Variants in GPR158 observed in about 807,000 individuals in gnomAD.
GPR158 encodes G protein-coupled receptor 158.
A neutral mutation model predicts 78.2 loss-of-function variants in GPR158; 30 were observed. The ratio of observed to expected loss-of-function variants is 0.38; its 90% CI spans 0.29 to 0.52. The LOEUF (loss-of-function observed/expected upper bound fraction) is 0.52, where lower values mean the gene tolerates loss of function less well. GPR158 is among the 20% of genes least tolerant of loss of function. GPR158 has a pLI of 0.83. For synonymous variants in GPR158, 581 were observed against 591.1 expected (o/e 0.98, Z 0.25); for missense variants, 1,463 against 1,523.5 (o/e 0.96, Z 0.66).
At chr10:25,177,792 A>G (rs1251860148) in intron 1 of GPR158, among the ~76,000 whole-genome samples, 3 of 152,196 alleles carry the variant, frequency 2.0e-5, no homozygotes, top group Non-Finnish European at 4.4e-5. Flanking sequence ...GTATGACCAT[A>G]TTAAGTGCAT....
chr10:25,408,262 C>T (rs558445070), intron 3 of GPR158, among the ~76,000 whole-genome samples: 4 of 152,292 alleles, frequency 2.6e-5, no homozygotes, highest in Admixed American at 2.6e-4. Context: ...AATTTAACTT[C>T]TATTGTAGTT....
intron 1 of GPR158, among the ~76,000 whole-genome samples, chr10:25,186,604 A>T (rs1852689776): frequency 6.6e-6 from 1 of 152,196 alleles, no homozygotes; most frequent in Non-Finnish European, 1.5e-5. Context: ...CCTCTACGCA[A>T]ATAAACTAGA....
At chr10:25,221,603 A>G (rs1853300469) in intron 2 of GPR158, among the ~76,000 whole-genome samples, 1 of 152,174 alleles carries the variant, frequency 6.6e-6, no homozygotes, top group African/African-American at 2.4e-5. Flanking sequence ...AACAAGGAGA[A>G]AACACTGTAC....
At chr10:25,240,261 C>A (rs1853585532) in intron 2 of GPR158, among the ~76,000 whole-genome samples, 3 of 152,210 alleles carry the variant, frequency 2.0e-5, no homozygotes, top group Non-Finnish European at 4.4e-5. Flanking sequence ...GTAATCACAG[C>A]ACTTTGGGAG....
intron 2 of GPR158, among the ~76,000 whole-genome samples, chr10:25,361,984 T>A (rs1164542322): frequency 6.6e-6 from 1 of 151,962 alleles, no homozygotes; most frequent in African/African-American, 2.4e-5. Context: ...CTTGATTTAG[T>A]CTCATTTGTT....
chr10:25,282,854 T>A (rs187417473), intron 2 of GPR158, among the ~76,000 whole-genome samples: 1 of 152,160 alleles, frequency 6.6e-6, no homozygotes, highest in African/African-American at 2.4e-5. Context: ...CTGAGTTCTT[T>A]GTATATGCTA....
intron 5 of GPR158, among the ~76,000 whole-genome samples, chr10:25,533,475 TCTCATGA>T (rs371240403): frequency 8.5e-5 from 13 of 152,346 alleles, no homozygotes; most frequent in African/African-American, 3.1e-4. Context: ...TTCCACTCTT[TCTCATGA>T]CTATGGCTGT....
chr10:25,497,113 C>A (rs1835892234), intron 5 of GPR158, among the ~76,000 whole-genome samples: 1 of 152,094 alleles, frequency 6.6e-6, no homozygotes, highest in African/African-American at 2.4e-5. Context: ...TGTGTAAGAA[C>A]TGAGTGAGAA....
chr10:25,553,562 TGAAG>T (rs1431146179), intron 6 of GPR158, among the ~76,000 whole-genome samples: 1 of 152,194 alleles, frequency 6.6e-6, no homozygotes, highest in African/African-American at 2.4e-5. Flanking sequence ...GTGAACAACC[TGAAG>T]GAAGGACCAG....
At chr10:25,538,349 A>T (rs1258647469) in intron 5 of GPR158, among the ~76,000 whole-genome samples, 1 of 152,140 alleles carries the variant, frequency 6.6e-6, no homozygotes, top group South Asian at 2.1e-4. Flanking sequence ...ATTAGCTTTT[A>T]TGCATAGCTC....
rs370476219 is a variant in GPR158, at chr10:25,427,874, C to A, written c.1335+15401C>A. 2.6e-5 allele frequency among the ~76,000 whole-genome samples: 4 copies of A among 151,966 alleles called. No homozygotes were observed. The East Asian group carries it at 7.7e-4, about 29-fold the overall frequency. On this transcript the variant is annotated intron_variant, in intron 4 of 10. Transcript: ENST00000376351. ...ATGTGTTTCCATTTAATATAATAAC[C>A]AGTGTAGGGCTGATTAGGTAACCTT...
chr10:25,280,474 A>C (rs1216593446), intron 2 of GPR158, among the ~76,000 whole-genome samples: 1 of 152,230 alleles, frequency 6.6e-6, no homozygotes, highest in African/African-American at 2.4e-5. Flanking sequence ...TATGTAAAGC[A>C]AAAATTGATA....
At chr10:25,411,933 CAAAAAAAAAAAAAAAAAAAAAAAAA>C (rs1164005677) in intron 3 of GPR158, among the ~76,000 whole-genome samples, 5 of 47,468 alleles carry the variant, frequency 1.1e-4, no homozygotes, top group Admixed American at 3.8e-4. Context: ...GACTCTATCA[CAAAAAAAAAAAAAAAAAAAAAAAAA>C]AAAAAAAAAA....
intron 2 of GPR158, among the ~76,000 whole-genome samples, chr10:25,269,133 G>A (rs1193282226): frequency 6.6e-6 from 1 of 152,156 alleles, no homozygotes; most frequent in Admixed American, 6.5e-5. Flanking sequence ...TTAAAAAAAT[G>A]AACCAAAGAA....
At chr10:25,338,497 G>GTA (rs1000310840) in intron 2 of GPR158, among the ~76,000 whole-genome samples, 8 of 121,562 alleles carry the variant, frequency 6.6e-5, no homozygotes, top group South Asian at 2.4e-4. Context: ...TATAATATAC[G>GTA]TATATATATT....
At chr10:25,353,731 T>A (rs1004769779) in intron 2 of GPR158, among the ~76,000 whole-genome samples, 3 of 152,080 alleles carry the variant, frequency 2.0e-5, no homozygotes, top group Admixed American at 2.0e-4. Flanking sequence ...ACCCCTTTAC[T>A]TTTTAGTCTA....
At chr10:25,341,919 A>G (rs1189910708) in intron 2 of GPR158, among the ~76,000 whole-genome samples, 11 of 151,782 alleles carry the variant, frequency 7.2e-5, no homozygotes, top group Admixed American at 3.9e-4. Context: ...CCACCTCACC[A>G]CCTTGCCACT....
intron 4 of GPR158, among the ~76,000 whole-genome samples, chr10:25,429,181 A>C (rs1834862320): frequency 6.6e-6 from 1 of 152,074 alleles, no homozygotes; most frequent in Admixed American, 6.6e-5. Flanking sequence ...TTTGAACTTG[A>C]GATAGTTTGA....
chr10:25,439,610 A>G (rs1835041676), intron 4 of GPR158, among the ~76,000 whole-genome samples: 2 of 151,940 alleles, frequency 1.3e-5, no homozygotes, highest in African/African-American at 2.4e-5. Context: ...GAAGCTTCCT[A>G]TTATTTTCCT....
Sources: gnomAD v4.1 joint callset for allele counts (sites outside exome capture counted in the v4.1 genomes callset) on GRCh38, gnomAD v4.1.1 for gene constraint, MANE v1.5 for transcripts, NCBI Gene and HGNC (gene_info 2026-07-23, HGNC 2026-07-21) for gene names.